PTPRN2: variants seen among roughly 807,000 people sequenced by gnomAD.
PTPRN2 encodes the protein protein tyrosine phosphatase receptor type N2.
In PTPRN2, 74 loss-of-function variants were observed where a neutral mutation model predicts 118.8. That is an observed-to-expected ratio of 0.62 (90% confidence interval 0.52 to 0.76). PTPRN2 has a LOEUF of 0.76. PTPRN2 is among the 30% of genes least tolerant of loss of function. The pLI is 0.00. For missense variants in PTPRN2, 1,481 were observed against 1,394.4 expected, an observed-to-expected ratio of 1.06 and a Z score of -0.99; for synonymous variants, 641 against 608.0, an observed-to-expected ratio of 1.05 and a Z score of -0.80.
intron 1 of PTPRN2, among the ~76,000 whole-genome samples, chr7:158,490,254 A>C (rs1225335601): frequency 6.6e-6 from 1 of 152,204 alleles, no homozygotes; most frequent in Non-Finnish European, 1.5e-5. Flanking sequence ...CTGCGTGGGA[A>C]GCAAACCGTG....
At chr7:158,133,435 G>T (rs907489643) in intron 9 of PTPRN2, among the ~76,000 whole-genome samples, 1 of 152,214 alleles carries the variant, frequency 6.6e-6, no homozygotes, top group Non-Finnish European at 1.5e-5. Context: ...GGTTTTGTTT[G>T]ATGCCCTTCA....
Position 157,801,260 on chromosome 7 carries a change from G to A in PTPRN2, c.1788+97413C>T, listed in dbSNP as rs1294691583. Among the ~76,000 whole-genome samples, 6 of 152,108 alleles carry A rather than the reference G, an allele frequency of 3.9e-5. No homozygotes were observed. Among genetic ancestry groups the A allele is most frequent in the African/African-American group, 7.2e-5 (3 of 41,432 alleles). On this transcript the variant is annotated intron_variant, in intron 12 of 22. Transcript: ENST00000389418. This position sits in a 1 kb window ranked among gnomAD's most constrained non-coding sequence, Gnocchi z 4.2. ...CGACGCTGAAAGTATCAGGCCTTCC[G>A]CTTAGCGCTGCCTTCGAGATCAGTC... is the stretch of plus-strand genomic sequence containing the variant.
chr7:158,276,072 G>A (rs1014328203), intron 3 of PTPRN2, among the ~76,000 whole-genome samples: 17 of 152,228 alleles, frequency 1.1e-4, no homozygotes, highest in South Asian at 4.1e-4. Context: ...GGAGCCCACC[G>A]GTCAGCCAGC....
chr7:157,972,066 C>T (rs4716852), intron 11 of PTPRN2, among the ~76,000 whole-genome samples: 73,977 of 151,990 alleles, frequency 0.49, 18,126 homozygotes, highest in Admixed American at 0.56. Flanking sequence ...GCAAATCGTG[C>T]GCTGCCTCAT....
intron 3 of PTPRN2, among the ~76,000 whole-genome samples, chr7:158,299,515 C>A (rs530113886): frequency 3.9e-4 from 60 of 152,126 alleles, no homozygotes; most frequent in Non-Finnish European, 7.5e-4. Context: ...CCAGGCTGGT[C>A]GTAAACTCCT....
intron 12 of PTPRN2, among the ~76,000 whole-genome samples, chr7:157,723,381 A>C (rs1799352739): frequency 6.6e-6 from 1 of 152,084 alleles, no homozygotes. Context: ...CCGGCTGGCC[A>C]CCTGTCCCCC....
Position 157,887,044 on chromosome 7 carries a change from C to T in PTPRN2, c.1788+11629G>A, listed in dbSNP as rs1013199911. ...CACAGCGGGCCTGTCCTGGGGCCAT[C>T]GAAGTCCTCATCAGCTGAGCCCACC... On this transcript the variant is annotated intron_variant, in intron 12 of 22. Coordinates refer to ENST00000389418, the MANE Select transcript of PTPRN2 (RefSeq NM_002847.5). 7.9e-5 allele frequency among the ~76,000 whole-genome samples: 12 copies of T among 151,824 alleles called. No individual in the cohort carries two copies. In the South Asian group the frequency reaches 1.9e-3, roughly 24 times the overall value.
At chr7:158,362,656 G>A (rs1419797456) in intron 2 of PTPRN2, among the ~76,000 whole-genome samples, 1 of 151,948 alleles carries the variant, frequency 6.6e-6, no homozygotes, top group Non-Finnish European at 1.5e-5. Flanking sequence ...ATTCTAAGGA[G>A]ATAACTGGAT....
chr7:158,455,739 C>T (rs75485631), intron 2 of PTPRN2, among the ~76,000 whole-genome samples: 6 of 143,448 alleles, frequency 4.2e-5, no homozygotes, highest in African/African-American at 7.9e-5. Flanking sequence ...GGCCACCCAT[C>T]GCTCTGCAGA....
At position 157,590,993 on chromosome 7, in the gene PTPRN2, T is replaced by A. The variant is rs149285045; in HGVS notation, c.2496+4245A>T. Among the ~76,000 whole-genome samples the A allele has an allele frequency of 1.3e-3, 197 of 152,258 alleles. 2 individuals are homozygous for A. The highest frequency in any genetic ancestry group is 4.5e-3 in the African/African-American group (189 of 41,558). On this transcript the variant is annotated intron_variant, in intron 17 of 22. Coordinates refer to ENST00000389418, the MANE Select transcript of PTPRN2 (RefSeq NM_002847.5). This position sits in a 1 kb window ranked among gnomAD's most constrained non-coding sequence, Gnocchi z 4.0. ...CAAATCCATGTCCACCTGGAACCCA[T>A]GAATGTGGTCTTATTTGGAAATAGG...
At position 157,974,947 on chromosome 7, in the gene PTPRN2, C is replaced by G. The variant is rs1802630010; in HGVS notation, c.1724-76210G>C. ...GTGAGCAGAGGACCAGGGTATGGAA[C>G]AAGCCCTAGTCAGAAATGCCTCCTG... On this transcript the variant is annotated intron_variant, in intron 11 of 22. Transcript: ENST00000389418. This position sits in a 1 kb window ranked among gnomAD's most constrained non-coding sequence, Gnocchi z 4.0. 6.6e-6 allele frequency among the ~76,000 whole-genome samples: 1 copy of G among 151,938 alleles called. No individual in the cohort carries two copies. Among genetic ancestry groups the G allele is most frequent in the Admixed American group, 6.5e-5 (1 of 15,268 alleles).
At chr7:157,992,443 C>T (rs566722460) in intron 11 of PTPRN2, among the ~76,000 whole-genome samples, 5 of 152,250 alleles carry the variant, frequency 3.3e-5, no homozygotes, top group African/African-American at 4.8e-5. Flanking sequence ...ACCGGCCACA[C>T]GGTCTGTACT....
intron 1 of PTPRN2, among the ~76,000 whole-genome samples, chr7:158,581,934 T>C (rs1245725370): frequency 6.6e-6 from 1 of 152,190 alleles, no homozygotes; most frequent in African/African-American, 2.4e-5. Flanking sequence ...AAAAAGGTAT[T>C]TAAAATGTGC....
chr7:157,917,600 A>G (rs1475432439), intron 11 of PTPRN2, among the ~76,000 whole-genome samples: 1 of 152,170 alleles, frequency 6.6e-6, no homozygotes, highest in African/African-American at 2.4e-5. Flanking sequence ...TATTGTTTCA[A>G]TCTCACTTAC....
chr7:158,062,238 T>G (rs894982325), intron 11 of PTPRN2, among the ~76,000 whole-genome samples: 1 of 152,248 alleles, frequency 6.6e-6, no homozygotes, highest in African/African-American at 2.4e-5. Flanking sequence ...GAGACCAACG[T>G]GTCCAACATC....
intron 2 of PTPRN2, among the ~76,000 whole-genome samples, chr7:158,471,781 C>A (rs1819874108): frequency 6.6e-6 from 1 of 152,104 alleles, no homozygotes; most frequent in African/African-American, 2.4e-5. Flanking sequence ...CTCTACAAAT[C>A]ATTTCTCTGA....
rs144038890 is a variant in PTPRN2 at position 158,381,400 on chromosome 7, A to G, written c.164-64468T>C. ...CCACAAATGTCTAGGACAGGGGCAA[A>G]ATGCTGCCAGTCTATTTGCTAAAAC... On this transcript the variant is annotated intron_variant, in intron 2 of 22. Coordinates refer to ENST00000389418, the MANE Select transcript of PTPRN2 (RefSeq NM_002847.5). Among the ~76,000 whole-genome samples the G allele has an allele frequency of 9.9e-3, 1,513 of 152,264 alleles. 33 individuals carry two copies. Among genetic ancestry groups the G allele is most frequent in the African/African-American group, 0.034 (1,430 of 41,526 alleles).
chr7:158,206,572 GGA>G (rs956452390), intron 3 of PTPRN2, among the ~76,000 whole-genome samples: 1 of 151,884 alleles, frequency 6.6e-6, no homozygotes, highest in African/African-American at 2.4e-5. Flanking sequence ...GGGGAGGGGG[GGA>G]GAGAGAGAGA....
chr7:158,310,841 GCAAA>G (rs1563116892), intron 3 of PTPRN2, among the ~76,000 whole-genome samples: 1 of 48,066 alleles, frequency 2.1e-5, no homozygotes. Flanking sequence ...CGGACAGAGC[GCAAA>G]TCCCACGGAG....
Sources: allele counts gnomAD v4.1 joint callset (sites outside exome capture counted in the v4.1 genomes callset), GRCh38; gene constraint gnomAD v4.1.1; non-coding constraint Gnocchi (gnomAD v3.1); transcripts MANE v1.5; gene names NCBI Gene and HGNC (gene_info 2026-07-23, HGNC 2026-07-21).